AKR1C8: variants seen among roughly 807,000 people sequenced by gnomAD.
The protein encoded by AKR1C8 is aldo-keto reductase family 1 member C-like protein 1.
the AKR1C8 span, among the ~76,000 whole-genome samples, chr10:5,133,346 GC>G: frequency 6.6e-6 from 1 of 152,074 alleles, no homozygotes; most frequent in African/African-American, 2.4e-5. Flanking sequence ...ACCTGCCTCT[GC>G]CGCCCAAAAT....
the AKR1C8 span, among the ~76,000 whole-genome samples, chr10:5,141,608 G>T: frequency 1.3e-5 from 2 of 152,108 alleles, no homozygotes; most frequent in African/African-American, 2.4e-5. Context: ...ATGTACTGAA[G>T]AATAAATATT....
chr10:5,180,830 C>T, the AKR1C8 span, among the ~76,000 whole-genome samples: 3 of 152,176 alleles, frequency 2.0e-5, no homozygotes, highest in South Asian at 2.1e-4. Context: ...GTTTTTTAAG[C>T]CCGTCGGAAA....
the AKR1C8 span, among the ~76,000 whole-genome samples, chr10:5,168,021 G>C: frequency 6.6e-6 from 1 of 151,644 alleles, no homozygotes; most frequent in Non-Finnish European, 1.5e-5. Context: ...ACTTCCACCA[G>C]ATTAAAAAAA....
At chr10:5,178,533 C>G in the AKR1C8 span, among the ~76,000 whole-genome samples, 1 of 152,188 alleles carries the variant, frequency 6.6e-6, no homozygotes, top group South Asian at 2.1e-4. Context: ...CCTGGGTATC[C>G]TTTTTAACTT....
At chr10:5,171,876 C>T in the AKR1C8 span, among the ~76,000 whole-genome samples, 7 of 152,224 alleles carry the variant, frequency 4.6e-5, 1 homozygote, top group South Asian at 1.4e-3. Flanking sequence ...CATTCTTATG[C>T]CTCCTTAATA....
chr10:5,158,505 T>G, the AKR1C8 span: 1 of 400,076 alleles, frequency 2.5e-6, no homozygotes, highest in South Asian at 1.9e-5. Context: ...CTTTGAGCTT[T>G]TTTATAATAC....
At chr10:5,121,236 G>A in the AKR1C8 span, among the ~76,000 whole-genome samples, 1 of 152,076 alleles carries the variant, frequency 6.6e-6, no homozygotes, top group Non-Finnish European at 1.5e-5. Context: ...TAATCCAATG[G>A]AACGTCATGT....
At chr10:5,147,861 A>G in the AKR1C8 span, among the ~76,000 whole-genome samples, 1 of 152,118 alleles carries the variant, frequency 6.6e-6, no homozygotes, top group Non-Finnish European at 1.5e-5. Context: ...CCACATCTCC[A>G]CTAGGTAGAA....
At chr10:5,151,070 T>TGA in the AKR1C8 span, among the ~76,000 whole-genome samples, 1 of 152,072 alleles carries the variant, frequency 6.6e-6, no homozygotes, top group Non-Finnish European at 1.5e-5. Flanking sequence ...CATAGGGAGT[T>TGA]GAAGCTGTCC....
the AKR1C8 span, among the ~76,000 whole-genome samples, chr10:5,131,156 C>T: frequency 6.6e-6 from 1 of 151,938 alleles, no homozygotes; most frequent in Non-Finnish European, 1.5e-5. Context: ...TGGATACCAT[C>T]TCTCCTTATA....
the AKR1C8 span, among the ~76,000 whole-genome samples, chr10:5,127,295 TG>T: frequency 6.6e-6 from 1 of 152,066 alleles, no homozygotes; most frequent in Non-Finnish European, 1.5e-5. Flanking sequence ...TCAGAACTTC[TG>T]GAAATGAAAG....
At chr10:5,153,280 C>T in the AKR1C8 span, among the ~76,000 whole-genome samples, 2 of 151,774 alleles carry the variant, frequency 1.3e-5, no homozygotes, top group Admixed American at 1.3e-4. Context: ...AATAAAAATG[C>T]CGAAATGTGG....
chr10:5,153,594 GA>G, the AKR1C8 span, among the ~76,000 whole-genome samples: 1 of 152,186 alleles, frequency 6.6e-6, no homozygotes. Flanking sequence ...TAAGCGTCAG[GA>G]AACTTACAGT....
the AKR1C8 span, chr10:5,154,300 C>T: frequency 2.4e-6 from 1 of 410,970 alleles, no homozygotes; most frequent in Non-Finnish European, 5.1e-6. Flanking sequence ...CCTACTTGTA[C>T]CTCGGCACAC....
chr10:5,117,112 A>G, the AKR1C8 span, among the ~76,000 whole-genome samples: 1 of 145,158 alleles, frequency 6.9e-6, no homozygotes, highest in African/African-American at 2.7e-5. Flanking sequence ...GTAAAATTAA[A>G]TGAGCACTGG....
the AKR1C8 span, among the ~76,000 whole-genome samples, chr10:5,169,881 C>T: frequency 7.7e-4 from 117 of 152,086 alleles, 1 homozygote; most frequent in African/African-American, 2.7e-3. Flanking sequence ...CACTTAGTTA[C>T]TTACTTTTTA....
the AKR1C8 span, among the ~76,000 whole-genome samples, chr10:5,169,263 G>A: frequency 1.3e-5 from 2 of 152,154 alleles, no homozygotes; most frequent in South Asian, 2.1e-4. Flanking sequence ...AGATGATGGT[G>A]CTCCTGTTCT....
At chr10:5,180,752 C>A in the AKR1C8 span, among the ~76,000 whole-genome samples, 16 of 152,222 alleles carry the variant, frequency 1.1e-4, no homozygotes, top group Non-Finnish European at 1.6e-4. Context: ...GCTGTGCTAG[C>A]AATCAGCTAG....
chr10:5,167,535 C>G, the AKR1C8 span, among the ~76,000 whole-genome samples: 1,276 of 152,200 alleles, frequency 8.4e-3, 16 homozygotes, highest in African/African-American at 0.029. Flanking sequence ...ATCGCAAGGA[C>G]AAAAAACCAA....
Sources: allele counts gnomAD v4.1 joint callset (sites outside exome capture counted in the v4.1 genomes callset), GRCh38; gene constraint gnomAD v4.1.1; transcripts MANE v1.5; gene names NCBI Gene and HGNC (gene_info 2026-07-23, HGNC 2026-07-21).